Variants in EFNA5 observed in about 807,000 individuals in gnomAD.
The protein encoded by EFNA5 is ephrin A5.
Under a neutral mutation model 22.9 loss-of-function variants are expected in EFNA5, and 5 were observed. The ratio of observed to expected loss-of-function variants is 0.22; its 90% confidence interval spans 0.11 to 0.46. The LOEUF is 0.46. Among genes scored for constraint, EFNA5 ranks in the 20% least tolerant of loss-of-function variants. The pLI, the probability that EFNA5 is intolerant of heterozygous loss-of-function variation, is 0.99. For synonymous variants in EFNA5, 113 were observed against 112.2 expected, an observed-to-expected ratio of 1.01 and a Z score of -0.04; for missense variants, 237 against 293.3, an observed-to-expected ratio of 0.81 and a Z score of 1.40.
intron 1 of EFNA5, among the ~76,000 whole-genome samples, chr5:107,532,167 G>A (rs185126594): frequency 7.3e-4 from 111 of 152,306 alleles, no homozygotes; most frequent in Admixed American, 2.9e-3. Context: ...TGGGCAGGAG[G>A]AATTATTTCT....
intron 1 of EFNA5, among the ~76,000 whole-genome samples, chr5:107,606,870 C>G (rs1433170441): frequency 6.6e-6 from 1 of 152,122 alleles, no homozygotes; most frequent in Non-Finnish European, 1.5e-5. Context: ...TTTGCTGATG[C>G]CAGGAACAGC....
At chr5:107,478,757 T>C (rs1750377229) in intron 1 of EFNA5, among the ~76,000 whole-genome samples, 1 of 152,222 alleles carries the variant, frequency 6.6e-6, no homozygotes. Context: ...AATCCTGTAG[T>C]ATCTAATTAT....
At chr5:107,559,833 T>C (rs1281903943) in intron 1 of EFNA5, among the ~76,000 whole-genome samples, 2 of 152,192 alleles carry the variant, frequency 1.3e-5, no homozygotes, top group African/African-American at 2.4e-5. Context: ...GCAATTATCC[T>C]TTGGGGAGTT....
intron 1 of EFNA5, among the ~76,000 whole-genome samples, chr5:107,620,947 AT>A (rs1750021198): frequency 3.9e-5 from 6 of 152,238 alleles, no homozygotes; most frequent in African/African-American, 1.4e-4. Context: ...TATTTGGATC[AT>A]CACGTGTAAG....
chr5:107,662,562 T>C (rs1580589053), intron 1 of EFNA5, among the ~76,000 whole-genome samples: 1 of 152,230 alleles, frequency 6.6e-6, no homozygotes, highest in African/African-American at 2.4e-5. Context: ...AGTCAGTTGA[T>C]ATACTCTCAT....
At chr5:107,504,439 T>C (rs1039925205) in intron 1 of EFNA5, among the ~76,000 whole-genome samples, 1 of 152,212 alleles carries the variant, frequency 6.6e-6, no homozygotes, top group Non-Finnish European at 1.5e-5. Flanking sequence ...CTTACTAAAA[T>C]ATGTGTCTTC....
At chr5:107,399,704 A>G (rs544869337) in intron 2 of EFNA5, among the ~76,000 whole-genome samples, 1 of 152,336 alleles carries the variant, frequency 6.6e-6, no homozygotes, top group South Asian at 2.1e-4. Context: ...CAGATGTTAC[A>G]TGAGAACATA....
intron 1 of EFNA5, among the ~76,000 whole-genome samples, chr5:107,431,489 C>T (rs1314630859): frequency 6.6e-6 from 1 of 152,074 alleles, no homozygotes; most frequent in Non-Finnish European, 1.5e-5. Context: ...ATCTCTATTA[C>T]GATGCCACGG....
intron 1 of EFNA5, among the ~76,000 whole-genome samples, chr5:107,664,967 T>C (rs1751037721): frequency 6.6e-6 from 1 of 152,216 alleles, no homozygotes; most frequent in Non-Finnish European, 1.5e-5. Context: ...TGAGGAAGGT[T>C]GAGTGGTATC....
At chr5:107,533,569 A>G (rs966491066) in intron 1 of EFNA5, among the ~76,000 whole-genome samples, 1 of 152,238 alleles carries the variant, frequency 6.6e-6, no homozygotes, top group Non-Finnish European at 1.5e-5. Context: ...CCAAATCCCA[A>G]CAAAACAAAG....
At chr5:107,383,754 G>A (rs909042459) in intron 4 of EFNA5, among the ~76,000 whole-genome samples, 5 of 152,296 alleles carry the variant, frequency 3.3e-5, no homozygotes, top group Non-Finnish European at 7.4e-5. Context: ...TAGGTACTCA[G>A]TGAGGGCTAT....
At chr5:107,490,254 ATTTG>A (rs1746765380) in intron 1 of EFNA5, among the ~76,000 whole-genome samples, 1 of 151,976 alleles carries the variant, frequency 6.6e-6, no homozygotes, top group African/African-American at 2.4e-5. Context: ...TATGTCATTT[ATTTG>A]TTTATTTATT....
chr5:107,442,677 C>A (rs867547178), intron 1 of EFNA5, among the ~76,000 whole-genome samples: 29 of 151,960 alleles, frequency 1.9e-4, no homozygotes, highest in African/African-American at 6.8e-4. Context: ...TATAATATAA[C>A]CATAAAGTAC....
chr5:107,450,740 G>A (rs1015276352), intron 1 of EFNA5, among the ~76,000 whole-genome samples: 2 of 152,206 alleles, frequency 1.3e-5, no homozygotes, highest in African/African-American at 4.8e-5. Context: ...GGGGTGTTTA[G>A]AATTCTAAAA....
intron 2 of EFNA5, among the ~76,000 whole-genome samples, chr5:107,410,173 ACCCGCCACCACAC>A (rs1296162346): frequency 6.6e-6 from 1 of 151,538 alleles, no homozygotes; most frequent in East Asian, 1.9e-4. Context: ...GACTACAGGC[ACCCGCCACCACAC>A]CCGGCTAATT....
intron 1 of EFNA5, among the ~76,000 whole-genome samples, chr5:107,431,957 T>A (rs545981177): frequency 3.3e-5 from 5 of 152,346 alleles, no homozygotes; most frequent in Admixed American, 2.0e-4. Flanking sequence ...AACTCAAGTC[T>A]TACATGGTTC....
chr5:107,577,652 G>A (rs1032218481), intron 1 of EFNA5, among the ~76,000 whole-genome samples: 1 of 152,122 alleles, frequency 6.6e-6, no homozygotes, highest in East Asian at 1.9e-4. Context: ...AAGTATAAAA[G>A]GGTCTTATTG....
At chr5:107,553,754 T>C (rs1748350169) in intron 1 of EFNA5, among the ~76,000 whole-genome samples, 1 of 152,232 alleles carries the variant, frequency 6.6e-6, no homozygotes, top group African/African-American at 2.4e-5. Flanking sequence ...TGATTCCTTT[T>C]ATGATTTTCC....
At chr5:107,416,918 A>G (rs1748518574) in intron 2 of EFNA5, among the ~76,000 whole-genome samples, 1 of 152,206 alleles carries the variant, frequency 6.6e-6, no homozygotes, top group South Asian at 2.1e-4. Context: ...TTAAAGCAAA[A>G]CATGCAGTAA....
Sources: gnomAD v4.1 joint callset for allele counts (sites outside exome capture counted in the v4.1 genomes callset) on GRCh38, gnomAD v4.1.1 for gene constraint, MANE v1.5 for transcripts, NCBI Gene and HGNC (gene_info 2026-07-23, HGNC 2026-07-21) for gene names.